The following PCDHA4 variants were observed in gnomAD, a reference collection of about 807,000 sequenced individuals.
PCDHA4 encodes protocadherin alpha 4.
Under a neutral mutation model 61.4 loss-of-function variants are expected in PCDHA4, and 49 were observed. The observed-to-expected ratio is 0.80, with a 90% CI of 0.63 to 1.01. The LOEUF (loss-of-function observed/expected upper bound fraction) is 1.01. PCDHA4 is among the 50% of genes least tolerant of loss of function. PCDHA4 has a pLI of 0.00. For missense variants in PCDHA4, 1,254 were observed against 1,235.8 expected (o/e 1.01, Z -0.22); for synonymous variants, 590 against 550.3 (o/e 1.07, Z -1.01).
intron 1 of PCDHA4, among the ~76,000 whole-genome samples, chr5:140,833,634 A>G (rs2150122696): frequency 6.6e-6 from 1 of 152,310 alleles, no homozygotes; most frequent in African/African-American, 2.4e-5. Flanking sequence ...TTCCTCCTCA[A>G]AAAGTTCACA....
At chr5:140,852,749 G>A in intron 1 of PCDHA4, 3 of 984,204 alleles carry the variant, frequency 3.0e-6, no homozygotes, top group Non-Finnish European at 2.4e-6. Flanking sequence ...ATTTAAACTT[G>A]GACCCAGGTA....
At chr5:140,995,608 C>G (rs543938511) in intron 3 of PCDHA4, among the ~76,000 whole-genome samples, 1 of 152,206 alleles carries the variant, frequency 6.6e-6, no homozygotes, top group East Asian at 1.9e-4. Flanking sequence ...TTTCTTCTCC[C>G]AAACCAAATA....
chr5:140,970,222 C>T (rs1270140969), intron 1 of PCDHA4, among the ~76,000 whole-genome samples: 2 of 152,134 alleles, frequency 1.3e-5, no homozygotes, highest in Non-Finnish European at 2.9e-5. Context: ...TAAATGCAGC[C>T]TGTAATCTTC....
chr5:140,968,670 T>C lies in PCDHA4; in HGVS notation c.2386-10279T>C, dbSNP rs782754896. 23 of 1,614,180 alleles carry C rather than the reference T, an allele frequency of 1.4e-5. No homozygotes were observed. Among genetic ancestry groups the C allele is most frequent in the Non-Finnish European group, 1.8e-5 (21 of 1,180,034 alleles). On this transcript the variant is annotated intron_variant, in intron 1 of 3. Coordinates refer to ENST00000530339, the MANE Select transcript of PCDHA4 (RefSeq NM_018907.4). ...ACTTCTGACCTGGACCTCTTTAAGG[T>C]AGAGCTGCACACAGGAGAAATTAGG...
chr5:140,815,806 G>T (rs1765796247), intron 1 of PCDHA4: 2 of 152,132 alleles, frequency 1.3e-5, no homozygotes, highest in South Asian at 2.1e-4. Context: ...AACTGGGAAG[G>T]TCTTTATCTC....
At chr5:141,000,079 G>A (rs1233130123) in intron 3 of PCDHA4, among the ~76,000 whole-genome samples, 2 of 152,102 alleles carry the variant, frequency 1.3e-5, no homozygotes, top group Non-Finnish European at 2.9e-5. Flanking sequence ...CACAATGCTA[G>A]GCCTGTGAAT....
intron 3 of PCDHA4, among the ~76,000 whole-genome samples, chr5:141,003,426 C>T (rs1316658550): frequency 1.3e-5 from 2 of 152,144 alleles, no homozygotes; most frequent in African/African-American, 4.8e-5. Context: ...ATTCTTATGC[C>T]TCAGCCTCCC....
chr5:140,824,226 G>A (rs1441042535), intron 1 of PCDHA4: 2 of 1,550,438 alleles, frequency 1.3e-6, no homozygotes, highest in Admixed American at 3.4e-5. Context: ...TTATGTCTTA[G>A]TACACAAATA....
chr5:140,929,185 GATA>G (rs1393626283), intron 1 of PCDHA4: 12 of 1,614,168 alleles, frequency 7.4e-6, no homozygotes, highest in Non-Finnish European at 1.0e-5. Flanking sequence ...ACTTGGTTCT[GATA>G]ATAACAGTTT....
chr5:140,966,990 G>A, intron 1 of PCDHA4: 1 of 1,604,280 alleles, frequency 6.2e-7, no homozygotes, highest in Non-Finnish European at 8.5e-7. Context: ...TTGGGGCCGG[G>A]TTGCTTGCGC....
chr5:140,876,023 C>G, intron 1 of PCDHA4: 1 of 1,612,330 alleles, frequency 6.2e-7, no homozygotes, highest in Non-Finnish European at 8.5e-7. Flanking sequence ...AAAATAAAAA[C>G]AAAAAAAGAT....
chr5:140,827,868 ACT>A (rs1769434817), intron 1 of PCDHA4: 2 of 620,094 alleles, frequency 3.2e-6, no homozygotes, highest in Non-Finnish European at 2.8e-6. Context: ...ATGGTATAGC[ACT>A]GTTACGTGAA....
intron 1 of PCDHA4, chr5:140,824,631 T>TTTTTTTTTTTTTTTTTTTTTTG (rs1768292344): frequency 8.2e-6 from 1 of 121,430 alleles, no homozygotes; most frequent in Non-Finnish European, 1.7e-5. Context: ...TTTTTTTTTT[T>TTTTTTTTTTTTTTTTTTTTTTG]TATTTTCTGT....
At chr5:140,877,456 A>G (rs782196648) in intron 1 of PCDHA4, 18 of 1,613,802 alleles carry the variant, frequency 1.1e-5, no homozygotes, top group Non-Finnish European at 1.5e-5. Flanking sequence ...GCTGACGTCC[A>G]CGGCCACGGT....
intron 1 of PCDHA4, among the ~76,000 whole-genome samples, chr5:140,872,716 A>G (rs1309493361): frequency 6.6e-6 from 1 of 152,266 alleles, no homozygotes; most frequent in Non-Finnish European, 1.5e-5. Context: ...AACTAGGTAA[A>G]TAAAATTATT....
rs1767209062 is a variant in PCDHA4, at chr5:140,822,146, A to G, written c.2385+12574A>G. The G allele has an allele frequency of 6.2e-7, 1 of 1,614,260 alleles. No individual in the cohort carries two copies. The highest frequency in any genetic ancestry group is 8.5e-7 in the Non-Finnish European group (1 of 1,180,048). On this transcript the variant is annotated intron_variant, in intron 1 of 3. Transcript: ENST00000530339. ...TTCCATGTGGAGGTGGCAGTGAAGG[A>G]CATCAATGACAATCCGCCCAGGTTC...
chr5:140,833,083 G>A (rs1348346830), intron 1 of PCDHA4, among the ~76,000 whole-genome samples: 5 of 152,168 alleles, frequency 3.3e-5, no homozygotes, highest in African/African-American at 9.7e-5. Flanking sequence ...ATAACTTTGA[G>A]TACTAGACGA....
chr5:140,965,678 T>C (rs937496921), intron 1 of PCDHA4, among the ~76,000 whole-genome samples: 1 of 152,182 alleles, frequency 6.6e-6, no homozygotes, highest in Non-Finnish European at 1.5e-5. Context: ...ATGTAAAAGA[T>C]TTGAAGCAAG....
At chr5:140,960,548 A>G (rs73793541) in intron 1 of PCDHA4, among the ~76,000 whole-genome samples, 2,047 of 152,290 alleles carry the variant, frequency 0.013, 37 homozygotes, top group African/African-American at 0.047. Context: ...TGGCCTTCAT[A>G]TAGACTGAGC....
Sources: allele counts gnomAD v4.1 joint callset (sites outside exome capture counted in the v4.1 genomes callset), GRCh38; gene constraint gnomAD v4.1.1; transcripts MANE v1.5; gene names NCBI Gene and HGNC (gene_info 2026-07-23, HGNC 2026-07-21).